SEMA6D: variants seen among roughly 807,000 people sequenced by gnomAD.
SEMA6D encodes the protein semaphorin-6D.
SEMA6D carries 35 observed loss-of-function variants against 106.6 expected under a neutral mutation model. The ratio of observed to expected loss-of-function variants is 0.33; its 90% CI spans 0.25 to 0.44. SEMA6D has a LOEUF of 0.44. SEMA6D is among the 20% of genes least tolerant of loss of function. SEMA6D has a pLI of 1.00. For missense variants in SEMA6D, 1,185 were observed against 1,345.9 expected, an observed-to-expected ratio of 0.88 and a Z score of 1.87; for synonymous variants, 499 against 487.7, an observed-to-expected ratio of 1.02 and a Z score of -0.31.
chr15:47,637,382 G>A (rs2077408158), intron 4 of SEMA6D, among the ~76,000 whole-genome samples: 1 of 152,174 alleles, frequency 6.6e-6, no homozygotes, highest in South Asian at 2.1e-4. Flanking sequence ...GCAACTGCTT[G>A]GCTGGTCCAT....
At chr15:47,448,095 A>G (rs1377764660) in intron 2 of SEMA6D, among the ~76,000 whole-genome samples, 2 of 152,096 alleles carry the variant, frequency 1.3e-5, no homozygotes, top group East Asian at 1.9e-4. Context: ...ACATTTGCTG[A>G]TGGGTGTCCT....
chr15:47,291,564 A>G (rs1180404877), intron 1 of SEMA6D, among the ~76,000 whole-genome samples: 1 of 152,086 alleles, frequency 6.6e-6, no homozygotes, highest in Admixed American at 6.5e-5. Flanking sequence ...CATTTGTCTC[A>G]GTTTTCTATG....
intron 1 of SEMA6D, among the ~76,000 whole-genome samples, chr15:47,401,082 G>C (rs2040383327): frequency 6.6e-6 from 1 of 152,198 alleles, no homozygotes; most frequent in Non-Finnish European, 1.5e-5. Context: ...TAGGGTTGCT[G>C]AGCAGATTAA....
chr15:47,221,394 G>A (rs1033350770), intron 1 of SEMA6D, among the ~76,000 whole-genome samples: 1 of 152,076 alleles, frequency 6.6e-6, no homozygotes, highest in Non-Finnish European at 1.5e-5. Context: ...CAACTCCCTC[G>A]GTGTTTCTCC....
chr15:47,411,477 C>CA (rs1303678561), intron 1 of SEMA6D, among the ~76,000 whole-genome samples: 1 of 151,746 alleles, frequency 6.6e-6, no homozygotes, highest in Non-Finnish European at 1.5e-5. Context: ...TGTGTTATTC[C>CA]AAAAAAATAC....
At chr15:47,562,993 C>T (rs1347572245) in intron 3 of SEMA6D, among the ~76,000 whole-genome samples, 4 of 152,108 alleles carry the variant, frequency 2.6e-5, no homozygotes, top group African/African-American at 9.7e-5. Context: ...GGATTACATT[C>T]AACAGCAAAA....
chr15:47,185,430 A>T (rs1186361834), intron 1 of SEMA6D, among the ~76,000 whole-genome samples: 1 of 152,182 alleles, frequency 6.6e-6, no homozygotes, highest in Non-Finnish European at 1.5e-5. Context: ...TGTTATTGAC[A>T]GCTGGCCGCT....
chr15:47,363,116 C>T (rs2038874435), intron 1 of SEMA6D, among the ~76,000 whole-genome samples: 1 of 152,028 alleles, frequency 6.6e-6, no homozygotes, highest in South Asian at 2.1e-4. Context: ...TGTACTGTAA[C>T]TCAGCTTATC....
At chr15:47,362,475 C>G (rs1482809738) in intron 1 of SEMA6D, among the ~76,000 whole-genome samples, 1 of 152,120 alleles carries the variant, frequency 6.6e-6, no homozygotes, top group African/African-American at 2.4e-5. Flanking sequence ...TGCTCCTGAC[C>G]AGGATGACTT....
intron 2 of SEMA6D, among the ~76,000 whole-genome samples, chr15:47,441,064 G>A (rs1427562575): frequency 1.3e-5 from 2 of 151,986 alleles, no homozygotes; most frequent in Non-Finnish European, 2.9e-5. Context: ...TACCATGGCA[G>A]CATTGTGAGG....
intron 4 of SEMA6D, among the ~76,000 whole-genome samples, chr15:47,616,955 G>T (rs2077018578): frequency 6.6e-6 from 1 of 152,172 alleles, no homozygotes; most frequent in Non-Finnish European, 1.5e-5. Flanking sequence ...GCTGGTTTGG[G>T]CATACATGCT....
intron 4 of SEMA6D, among the ~76,000 whole-genome samples, chr15:47,635,327 G>A (rs754466467): frequency 6.6e-6 from 1 of 152,088 alleles, no homozygotes; most frequent in Non-Finnish European, 1.5e-5. Flanking sequence ...ACCTGGCCTT[G>A]GGGTGATCAA....
At chr15:47,592,736 G>A (rs1186424196) in intron 3 of SEMA6D, among the ~76,000 whole-genome samples, 1 of 152,172 alleles carries the variant, frequency 6.6e-6, no homozygotes, top group Non-Finnish European at 1.5e-5. Context: ...ATTTTTATTT[G>A]CATTGTATAG....
chr15:47,318,432 A>C (rs1298189189), intron 1 of SEMA6D, among the ~76,000 whole-genome samples: 8 of 105,366 alleles, frequency 7.6e-5, no homozygotes, highest in African/African-American at 1.1e-4. Context: ...CCCACCCCAC[A>C]ACAGTCCCCA....
chr15:47,202,732 C>T (rs898566560), intron 1 of SEMA6D, among the ~76,000 whole-genome samples: 9 of 152,126 alleles, frequency 5.9e-5, no homozygotes, highest in African/African-American at 9.7e-5. Flanking sequence ...TAAAACTTGC[C>T]GCAGTTTCTC....
At chr15:47,629,886 T>G (rs2077264295) in intron 4 of SEMA6D, among the ~76,000 whole-genome samples, 1 of 151,984 alleles carries the variant, frequency 6.6e-6, no homozygotes, top group Non-Finnish European at 1.5e-5. Flanking sequence ...GATTTTATTC[T>G]TTTTTATGGA....
chr15:47,379,921 C>T (rs140391498), intron 1 of SEMA6D, among the ~76,000 whole-genome samples: 1 of 152,170 alleles, frequency 6.6e-6, no homozygotes, highest in African/African-American at 2.4e-5. Context: ...CCACGCCTGG[C>T]TAATTTTGTA....
At chr15:47,286,251 G>A (rs1005647724) in intron 1 of SEMA6D, among the ~76,000 whole-genome samples, 2 of 152,078 alleles carry the variant, frequency 1.3e-5, no homozygotes, top group African/African-American at 4.8e-5. Context: ...GAATGAACTT[G>A]CCCAGTGTGC....
intron 1 of SEMA6D, among the ~76,000 whole-genome samples, chr15:47,319,728 T>C (rs776814953): frequency 6.6e-6 from 1 of 152,142 alleles, no homozygotes; most frequent in African/African-American, 2.4e-5. Context: ...TATTTCAAAA[T>C]GGTTCCCTTT....
Sources: gnomAD v4.1 joint callset for allele counts (sites outside exome capture counted in the v4.1 genomes callset) on GRCh38, gnomAD v4.1.1 for gene constraint, MANE v1.5 for transcripts, NCBI Gene and HGNC (gene_info 2026-07-23, HGNC 2026-07-21) for gene names.